Variants in MORF4L1 observed in about 807,000 individuals in gnomAD.
MORF4L1 encodes the protein mortality factor 4-like protein 1.
A neutral mutation model predicts 52.9 loss-of-function variants in MORF4L1; 4 were observed. The ratio of observed to expected loss-of-function variants is 0.08; its 90% CI spans 0.04 to 0.17. The LOEUF (loss-of-function observed/expected upper bound fraction) is 0.17, where lower values mean the gene tolerates loss of function less well. Ranked by LOEUF, MORF4L1 falls within the 10% of genes least tolerant of loss-of-function variation. The pLI is 1.00. For synonymous variants in MORF4L1, 123 were observed against 134.8 expected, an observed-to-expected ratio of 0.91 and a Z score of 0.61; for missense variants, 214 against 390.4, an observed-to-expected ratio of 0.55 and a Z score of 3.81.
At chr15:78,893,515 T>A in intron 8 of MORF4L1, 24 bp from the exon 9 acceptor site, 2 of 1,478,646 alleles carry the variant, frequency 1.4e-6, no homozygotes, top group Non-Finnish European at 1.9e-6. Flanking sequence ...GTGCTTATAT[T>A]TAAGCATATT....
rs570514618 is a variant in MORF4L1, at chr15:78,881,189, C to CTTTTT, written c.155+625_155+629dup. Among the ~76,000 whole-genome samples the CTTTTT allele has an allele frequency of 9.3e-3, 626 of 67,136 alleles. 65 individuals carry two copies. The highest frequency in any genetic ancestry group is 0.013 in the East Asian group (22 of 1,720). The allele number at this position is 67,136 out of a possible 152,430, so 44.0% of individuals were successfully genotyped here. On this transcript the variant is annotated intron_variant, in intron 3 of 11. Transcript: ENST00000426013. ...AATTTCTCACCCCTAAGAGTTAAGC[C>CTTTTT]TTTTTTTTTTTTTTTTTTTGAGAGA...
chr15:78,894,544 A>C, intron 10 of MORF4L1: 2 of 407,234 alleles, frequency 4.9e-6, no homozygotes, highest in Non-Finnish European at 8.8e-6. Flanking sequence ...AGTAGCTGGG[A>C]TCACAGGTGT....
At chr15:78,892,189 A>G in intron 7 of MORF4L1, 23 bp from the exon 8 acceptor site, 1 of 1,553,296 alleles carries the variant, frequency 6.4e-7, no homozygotes, top group Non-Finnish European at 8.8e-7. Context: ...TAGGTTTTTA[A>G]TACTCCTCCT....
chr15:78,877,943 C>T (rs1057143674), intron 1 of MORF4L1: 12 of 329,570 alleles, frequency 3.6e-5, no homozygotes, highest in African/African-American at 1.9e-4. Context: ...CAGGAGAGTC[C>T]GCTTATGTGC....
chr15:78,875,785 CA>C (rs10592452), intron 1 of MORF4L1, among the ~76,000 whole-genome samples: 35,210 of 148,092 alleles, frequency 0.24, 5,694 homozygotes, highest in East Asian at 0.64. Context: ...GACTCCATTT[CA>C]AAAAAAAAAA....
At chr15:78,885,746 G>T (rs1646053150) in intron 3 of MORF4L1, among the ~76,000 whole-genome samples, 1 of 152,112 alleles carries the variant, frequency 6.6e-6, no homozygotes, top group Non-Finnish European at 1.5e-5. Context: ...ATGGAACTTT[G>T]TCATTACACA....
At position 78,873,153 on chromosome 15, in the gene MORF4L1, C is replaced by G. The variant is rs182957241; in HGVS notation, c.40+96C>G. 1.1e-3 allele frequency: 1,716 copies of G among 1,539,156 alleles called. 1 individual carries two copies. Among genetic ancestry groups the G allele is most frequent in the Non-Finnish European group, 1.4e-3 (1,576 of 1,142,974 alleles). ...GCTTGAGGGCCGGGGGCGGCGCGGG[C>G]TGCGCCCTGAGAAGGCGGCGGTCAG... On this transcript the variant is annotated intron_variant, in intron 1 of 11. Transcript: ENST00000426013.
At position 78,890,976 on chromosome 15, in the gene MORF4L1, T is replaced by C. The variant is rs907387088; in HGVS notation, c.324-13T>C. On this transcript the variant is annotated splice_polypyrimidine_tract_variant and intron_variant, in intron 5 of 11. Transcript: ENST00000426013. The stretch of plus-strand genomic sequence containing the variant: ...TGGAAATAATTATTTTTCTTTTTTT[T>C]CTCTCCTTTTAGGAAAACGAAAAAG... 4.1e-6 allele frequency: 6 copies of C among 1,449,080 alleles called. No individual in the cohort carries two copies. In the South Asian group the frequency reaches 5.1e-5, roughly 12 times the overall value. 89.8% of individuals were successfully genotyped at this position (1,449,080 alleles called of 1,614,324 possible). A position where few individuals can be genotyped will look rare whatever the true frequency, so the allele number is the denominator to read the frequency against.
chr15:78,876,043 T>A (rs1402465474), intron 1 of MORF4L1, among the ~76,000 whole-genome samples: 3 of 151,936 alleles, frequency 2.0e-5, no homozygotes, highest in African/African-American at 7.2e-5. Context: ...GTTCAAGCGA[T>A]TCACCTGCCT....
At chr15:78,876,644 A>T in intron 1 of MORF4L1, 1 of 454,524 alleles carries the variant, frequency 2.2e-6, no homozygotes, top group South Asian at 1.6e-5. Flanking sequence ...TAGGAAACAC[A>T]GATCTGATCT....
intron 8 of MORF4L1, chr15:78,893,004 T>C (rs373911311): frequency 1.7e-4 from 26 of 153,920 alleles, no homozygotes; most frequent in South Asian, 2.0e-4. Flanking sequence ...GTATCACTTA[T>C]TATTTGTGAG....
intron 8 of MORF4L1, 148 bp from the exon 9 acceptor site, chr15:78,893,391 A>G (rs1047259660): frequency 3.4e-6 from 2 of 579,824 alleles, no homozygotes; most frequent in Non-Finnish European, 6.3e-6. Flanking sequence ...TTTCTCAGCC[A>G]CATTATCCAT....
At chr15:78,894,403 A>G (rs2056849908) in intron 10 of MORF4L1, 173 bp downstream of exon 10, 3 of 496,008 alleles carry the variant, frequency 6.0e-6, no homozygotes, top group Non-Finnish European at 1.0e-5. Context: ...AAAATCGTGT[A>G]TTTTATTTTA....
intron 1 of MORF4L1, among the ~76,000 whole-genome samples, chr15:78,873,490 T>C (rs904385993): frequency 1.3e-5 from 2 of 151,970 alleles, no homozygotes; most frequent in Non-Finnish European, 2.9e-5. Flanking sequence ...ACGACGGGTT[T>C]TTCGGTGCTT....
intron 10 of MORF4L1, chr15:78,894,518 C>G (rs1047588945): frequency 1.9e-5 from 7 of 371,804 alleles, no homozygotes; most frequent in African/African-American, 1.2e-4. Flanking sequence ...AACAATTCTC[C>G]TGCCTCAGCC....
chr15:78,878,308 A>G (rs1282612576), intron 2 of MORF4L1, 49 bp downstream of exon 2: 3 of 1,550,870 alleles, frequency 1.9e-6, no homozygotes. Flanking sequence ...TACTGGTTAG[A>G]TCTGGCCATT....
chr15:78,883,755 G>C (rs948382810), intron 3 of MORF4L1, among the ~76,000 whole-genome samples: 1 of 152,160 alleles, frequency 6.6e-6, no homozygotes, highest in Admixed American at 6.5e-5. Flanking sequence ...TTGAAAGAAT[G>C]ATCTTAGCTT....
intron 1 of MORF4L1, 35 bp downstream of exon 1, chr15:78,873,092 G>T: frequency 6.4e-7 from 1 of 1,550,512 alleles, no homozygotes; most frequent in East Asian, 2.5e-5. Flanking sequence ...GGCACCTAAC[G>T]GCGCAGGAGA....
intron 6 of MORF4L1, 129 bp from the exon 7 acceptor site, chr15:78,891,355 T>G: frequency 1.4e-6 from 1 of 739,604 alleles, no homozygotes; most frequent in Non-Finnish European, 2.3e-6. Context: ...ATATGATTCT[T>G]TAACTTAGAT....
Sources: allele counts gnomAD v4.1 joint callset (sites outside exome capture counted in the v4.1 genomes callset), GRCh38; gene constraint gnomAD v4.1.1; transcripts MANE v1.5; gene names NCBI Gene and HGNC (gene_info 2026-07-23, HGNC 2026-07-21).